Variants in PAFAH1B1 observed in about 807,000 individuals in gnomAD.
PAFAH1B1 encodes the protein platelet activating factor acetylhydrolase 1b regulatory subunit 1, also known as platelet-activating factor acetylhydrolase IB subunit beta.
A neutral mutation model predicts 57.5 loss-of-function variants in PAFAH1B1; 2 were observed. The observed-to-expected ratio is 0.03, with a 90% CI of 0.01 to 0.11. PAFAH1B1 has a LOEUF of 0.11. Among genes scored for constraint, PAFAH1B1 ranks in the 10% least tolerant of loss-of-function variants. PAFAH1B1 has a pLI of 1.00. For synonymous variants in PAFAH1B1, 152 were observed against 169.6 expected, an observed-to-expected ratio of 0.90 and a Z score of 0.81; for missense variants, 257 against 512.0, an observed-to-expected ratio of 0.50 and a Z score of 4.81.
At chr17:2,653,781 C>G (rs1468789783) in intron 2 of PAFAH1B1, among the ~76,000 whole-genome samples, 4 of 151,998 alleles carry the variant, frequency 2.6e-5, no homozygotes, top group Admixed American at 6.6e-5. Flanking sequence ...GTCAAAGTAA[C>G]TATACATTTT....
rs564121933 is a variant in PAFAH1B1, at chr17:2,667,758, T to C, written c.399+560T>C. On this transcript the variant is annotated intron_variant, in intron 5 of 10. Transcript: ENST00000397195. ...ATTTAAAATTGGCTTTCCAGGAGTGTGGGAATATACAAGCTTTTCATTTTA... is the reference window on the plus strand; with the variant it reads ...ATTTAAAATTGGCTTTCCAGGAGTGCGGGAATATACAAGCTTTTCATTTTA... 8.5e-5 allele frequency among the ~76,000 whole-genome samples: 13 copies of C among 152,086 alleles called. No individual in the cohort carries two copies. In the East Asian group the frequency reaches 1.9e-3, roughly 23 times the overall value.
chr17:2,619,861 C>T (rs909792773), intron 1 of PAFAH1B1, among the ~76,000 whole-genome samples: 1 of 152,114 alleles, frequency 6.6e-6, no homozygotes, highest in African/African-American at 2.4e-5. Flanking sequence ...CTCACTGTAA[C>T]CTCAAATTCC....
intron 2 of PAFAH1B1, among the ~76,000 whole-genome samples, chr17:2,645,462 G>A (rs1039124957): frequency 6.6e-6 from 1 of 151,272 alleles, no homozygotes; most frequent in South Asian, 2.1e-4. Flanking sequence ...GCGTGATAGC[G>A]CATGCCTGTA....
intron 9 of PAFAH1B1, among the ~76,000 whole-genome samples, chr17:2,676,821 C>T (rs933164424): frequency 2.6e-5 from 4 of 152,008 alleles, no homozygotes; most frequent in Non-Finnish European, 4.4e-5. Context: ...TAGAGCCAGT[C>T]GGTGTTTGAG....
chr17:2,655,366 G>A (rs1395761795), intron 2 of PAFAH1B1, among the ~76,000 whole-genome samples: 14 of 152,034 alleles, frequency 9.2e-5, no homozygotes. Context: ...CTAGAGAATT[G>A]TATTAGAAAG....
chr17:2,646,180 A>G (rs1243843784), intron 2 of PAFAH1B1, among the ~76,000 whole-genome samples: 1 of 152,160 alleles, frequency 6.6e-6, no homozygotes, highest in African/African-American at 2.4e-5. Context: ...AAAATAGAAA[A>G]TAGTCCAGTA....
intron 2 of PAFAH1B1, among the ~76,000 whole-genome samples, chr17:2,644,113 C>G (rs1325783980): frequency 6.6e-6 from 1 of 150,682 alleles, no homozygotes; most frequent in Non-Finnish European, 1.5e-5. Flanking sequence ...TGGGCCCAAG[C>G]CTCCCGAGTT....
At chr17:2,663,700 G>T (rs1341179001) in intron 2 of PAFAH1B1, among the ~76,000 whole-genome samples, 2 of 57,554 alleles carry the variant, frequency 3.5e-5, no homozygotes, top group South Asian at 1.5e-3. Flanking sequence ...AAATTCTCTG[G>T]ATTTTTTTTT....
At chr17:2,618,836 C>T (rs1171558295) in intron 1 of PAFAH1B1, among the ~76,000 whole-genome samples, 9 of 147,786 alleles carry the variant, frequency 6.1e-5, no homozygotes, top group African/African-American at 9.9e-5. Flanking sequence ...CACTTGAACC[C>T]GGGAGGTGGA....
At chr17:2,648,263 C>T (rs1002756012) in intron 2 of PAFAH1B1, among the ~76,000 whole-genome samples, 3 of 152,124 alleles carry the variant, frequency 2.0e-5, no homozygotes, top group African/African-American at 7.2e-5. Context: ...TCCACCGGGT[C>T]CCTCCCACCA....
At chr17:2,640,945 T>C (rs1198580218) in intron 2 of PAFAH1B1, 1 of 152,194 alleles carries the variant, frequency 6.6e-6, no homozygotes, top group Non-Finnish European at 1.5e-5. Flanking sequence ...TTTAAGACCA[T>C]GCAAACATTC....
rs565182462 is a variant in PAFAH1B1 at position 2,646,210 on chromosome 17, A to G, written c.32+7890A>G. ...CCAGTAAACTTAATTGATAAAACCA[A>G]AAACTAGCTTTTTAAAAAGACCAGT... is the stretch of plus-strand genomic sequence containing the variant. On this transcript the variant is annotated intron_variant, in intron 2 of 10. Coordinates refer to ENST00000397195, the MANE Select transcript of PAFAH1B1 (RefSeq NM_000430.4). Among the ~76,000 whole-genome samples the G allele has an allele frequency of 9.8e-5, 15 of 152,312 alleles. 1 individual carries two copies. In the East Asian group the frequency reaches 2.9e-3, roughly 29 times the overall value.
At position 2,604,015 on chromosome 17, in the gene PAFAH1B1, C is replaced by T. The variant is rs144166441; in HGVS notation, c.-191+10009C>T. Among the ~76,000 whole-genome samples the T allele has an allele frequency of 5.8e-4, 88 of 150,900 alleles. No homozygotes were observed. The East Asian group carries it at 0.016, about 27-fold the overall frequency. ...CCTCCCAAAGTGCTGGGATTACAGG[C>T]GTGAGCCATCGCGCCTGGCCAGATT... On this transcript the variant is annotated intron_variant, in intron 1 of 10. Transcript: ENST00000397195.
chr17:2,648,399 G>A (rs568181046), intron 2 of PAFAH1B1, among the ~76,000 whole-genome samples: 3 of 152,160 alleles, frequency 2.0e-5, no homozygotes, highest in African/African-American at 7.2e-5. Flanking sequence ...ATTTATGGCC[G>A]GGCATGGTGG....
At chr17:2,652,795 T>C (rs2068881150) in intron 2 of PAFAH1B1, among the ~76,000 whole-genome samples, 1 of 152,242 alleles carries the variant, frequency 6.6e-6, no homozygotes, top group South Asian at 2.1e-4. Flanking sequence ...TTTGGAGAAA[T>C]AGGAACACTT....
In PAFAH1B1 at chr17:2,685,098, A is replaced by C. The variant is rs1168990921; in HGVS notation, c.*3296A>C. ...TCCAGTGTGTTCATCTAGATGACGC[A>C]AAGAATCTCCTGGTAGAGAAGCGAC... On this transcript the variant is annotated 3_prime_UTR_variant, in exon 11 of 11. Transcript: ENST00000397195. 1 of 149,176 alleles carries C rather than the reference A, an allele frequency of 6.7e-6. No individual in the cohort carries two copies. The highest frequency in any genetic ancestry group is 1.5e-5 in the Non-Finnish European group (1 of 67,704). 9.2% of individuals were successfully genotyped at this position (149,176 alleles called of 1,614,324 possible).
intron 1 of PAFAH1B1, among the ~76,000 whole-genome samples, chr17:2,623,624 T>G (rs1395808406): frequency 1.3e-5 from 2 of 148,720 alleles, no homozygotes; most frequent in East Asian, 4.0e-4. Context: ...CATGCTCTAC[T>G]TCCCCGTTTT....
intron 7 of PAFAH1B1, 134 bp from the exon 8 acceptor site, chr17:2,673,926 T>C: frequency 4.4e-6 from 3 of 681,890 alleles, no homozygotes; most frequent in South Asian, 1.7e-5. Flanking sequence ...TAACCAGGAT[T>C]GTACATTTAT....
At chr17:2,611,528 G>A (rs1003239327) in intron 1 of PAFAH1B1, among the ~76,000 whole-genome samples, 2 of 151,984 alleles carry the variant, frequency 1.3e-5, no homozygotes, top group Non-Finnish European at 2.9e-5. Flanking sequence ...GGACACAGCT[G>A]TGTTTTATAT....
Sources: gnomAD v4.1 joint callset for allele counts (sites outside exome capture counted in the v4.1 genomes callset) on GRCh38, gnomAD v4.1.1 for gene constraint, MANE v1.5 for transcripts, NCBI Gene and HGNC (gene_info 2026-07-23, HGNC 2026-07-21) for gene names.